LRIT2: variants seen among roughly 807,000 people sequenced by gnomAD.
LRIT2 encodes the protein leucine rich repeat, Ig-like and transmembrane domains 2.
In LRIT2, 23 loss-of-function variants were observed where a neutral mutation model predicts 22.4. That is an observed-to-expected ratio of 1.03 (90% CI 0.74 to 1.45). The LOEUF is 1.45. LRIT2 is among the 40% of genes most tolerant of loss of function. LRIT2 has a pLI of 0.00. For missense variants in LRIT2, 784 were observed against 665.6 expected, an observed-to-expected ratio of 1.18 and a Z score of -1.96; for synonymous variants, 291 against 267.1, an observed-to-expected ratio of 1.09 and a Z score of -0.87.
rs1257365502 is a variant in LRIT2 at position 84,222,076 on chromosome 10, G to A, written c.1497C>T (p.Gly499=). 1.9e-6 allele frequency: 3 copies of A among 1,610,212 alleles called. No homozygotes were observed. The highest frequency in any genetic ancestry group is 2.7e-5 in the African/African-American group (2 of 74,898). The change falls in exon 3 of 3, where the codon GGC becomes GGT. Residue 499 remains glycine, a synonymous_variant. Transcript: ENST00000372113. ...PCSCSKWVLR[G]CLHRRKAPSC... is the part of the protein sequence containing the mutation. ...TGGGGGCTTTCCTGCGATGAAGACA[G>A]CCGCGCAGGACCCACTTGCTGCAGC...
At chr10:84,223,522 TCATAA>T in intron 2 of LRIT2, among the ~76,000 whole-genome samples, 1 of 145,400 alleles carries the variant, frequency 6.9e-6, no homozygotes. Context: ...CAGAGTTTTG[TCATAA>T]TGTATAACAA....
In LRIT2 at chr10:84,224,653, G is replaced by A; in HGVS notation, c.572C>T (p.Ser191Phe). 1.9e-6 allele frequency: 3 copies of A among 1,614,180 alleles called. No individual in the cohort carries two copies. Among genetic ancestry groups the A allele is most frequent in the South Asian group, 1.1e-5 (1 of 91,078 alleles). Residue 191 changes from serine to phenylalanine, a missense_variant, in exon 2 of 3, where the codon TCC becomes TTC. By Grantham distance (155) the Ser-to-Phe change is radical. Coordinates refer to ENST00000372113, the MANE Select transcript of LRIT2 (RefSeq NM_001017924.5). ...GTCATGCAGGGCCACCACCAGGCTG[G>A]AGAGAATCTCAGCCCCACAGTCAGG... is the stretch of plus-strand genomic sequence containing the variant. Reference protein sequence around the residue: ...RQPDCGAEILSSLVVALHDNP... With the variant: ...RQPDCGAEILFSLVVALHDNP...
In LRIT2 at chr10:84,224,930, GGGCTCCTA is replaced by G. The variant is rs1275458324; in HGVS notation, c.287_294del (p.Leu96ProfsTer42). 6.2e-7 allele frequency: 1 copy of G among 1,614,170 alleles called. No homozygotes were observed. The highest frequency in any genetic ancestry group is 2.2e-5 in the East Asian group (1 of 44,872). ...TCCCTCAGTTCTGGCAGGTGTTCCA[GGGCTCCTA>G]GGTGGATCACACTGATATTGTTAAA... is the stretch of plus-strand genomic sequence containing the variant. On this transcript the variant is annotated frameshift_variant, in exon 2 of 3. Transcript: ENST00000372113. LOFTEE classifies it high-confidence loss of function.
At chr10:84,223,601 A>G (rs1056062750) in intron 2 of LRIT2, among the ~76,000 whole-genome samples, 9 of 152,140 alleles carry the variant, frequency 5.9e-5, no homozygotes, top group Non-Finnish European at 1.0e-4. Flanking sequence ...TCTTCTAGAC[A>G]GAGAACAGAA....
rs1005174230 is a variant in LRIT2, at chr10:84,222,670, A to T, written c.903T>A (p.Ser301=). Residue 301 remains serine, a synonymous_variant, in exon 3 of 3, where the codon TCT becomes TCA. Coordinates refer to ENST00000372113, the MANE Select transcript of LRIT2 (RefSeq NM_001017924.5). ...ACAGAGCAGTGTCTTCTCCAGTAGA[A>T]GATGTCAACACTGGGTGGAAAGAAA... ...SMWREFDVLT[S]STGEDTALSE... is the part of the protein sequence containing the mutation. 3 of 1,613,848 alleles carry T rather than the reference A, an allele frequency of 1.9e-6. No individual in the cohort carries two copies. The highest frequency in any genetic ancestry group is 2.5e-6 in the Non-Finnish European group (3 of 1,179,730).
At chr10:84,222,867 A>G in intron 2 of LRIT2, 187 bp from the exon 3 acceptor site, 1 of 720,726 alleles carries the variant, frequency 1.4e-6, no homozygotes, top group Non-Finnish European at 2.5e-6. Flanking sequence ...CCTGTAAGAT[A>G]AATAACTGAT....
At chr10:84,223,833 A>T (rs1378074918) in intron 2 of LRIT2, among the ~76,000 whole-genome samples, 2 of 152,212 alleles carry the variant, frequency 1.3e-5, no homozygotes, top group Non-Finnish European at 2.9e-5. Flanking sequence ...GGGTCCCAGT[A>T]TTACAAATTC....
chr10:84,222,500 A>C lies in LRIT2; in HGVS notation c.1073T>G (p.Ile358Ser). Residue 358 changes from isoleucine to serine, a missense_variant, in exon 3 of 3, where the codon ATC (isoleucine) becomes AGC (serine). Ile to Ser is a moderately radical substitution (Grantham distance 142). Coordinates refer to ENST00000372113, the MANE Select transcript of LRIT2 (RefSeq NM_001017924.5). ...QALHAPDSLS[I>S]PSEGNAYIDL... ...AATGTAGGCATTGCCCTCCGAGGGG[A>C]TGGAAAGAGAATCAGGTGCATGTAG... 6.2e-7 allele frequency: 1 copy of C among 1,613,862 alleles called. No individual in the cohort carries two copies. The highest frequency in any genetic ancestry group is 8.5e-7 in the Non-Finnish European group (1 of 1,179,948).
Position 84,222,345 on chromosome 10 carries a change from G to C in LRIT2, c.1228C>G (p.His410Asp), listed in dbSNP as rs1842517950. 1 of 1,614,056 alleles carries C rather than the reference G, an allele frequency of 6.2e-7. No homozygotes were observed. The highest frequency in any genetic ancestry group is 1.7e-5 in the Admixed American group (1 of 60,002). Residue 410 changes from histidine to aspartate, a missense_variant, in exon 3 of 3, where the codon CAC (histidine) becomes GAC (aspartate). His to Asp is a moderately conservative substitution (Grantham distance 81, BLOSUM62 -1). Transcript: ENST00000372113. ...TAAGTATTGATTCCGGGGCCAATGT[G>C]AACCACCTCCTTCCTGAAGGCTTCA... ...SDEAFRKEVV[H>D]IGPGINTYAV...
In LRIT2 at chr10:84,222,156, C is replaced by T. The variant is rs772847925; in HGVS notation, c.1417G>A (p.Val473Met). The change falls in exon 3 of 3, where the codon GTG becomes ATG. Residue 473 changes from valine (V) to methionine (M), a missense_variant. Transcript: ENST00000372113. The stretch of plus-strand genomic sequence containing the variant: ...GCGCCCACAGGCACTGCAAGCAGCA[C>T]CACACACAGGACCACTGTGACATGC... The part of the protein sequence containing the change: ...LLHVTVVLCV[V>M]LLAVPVGAYA... 5.6e-6 allele frequency: 9 copies of T among 1,613,578 alleles called. No homozygotes were observed. The Admixed American group carries it at 1.5e-4, about 27-fold the overall frequency.
At chr10:84,225,223 C>A in intron 1 of LRIT2, 109 bp from the exon 2 acceptor site, 3 of 1,254,574 alleles carry the variant, frequency 2.4e-6, no homozygotes, top group Non-Finnish European at 2.2e-6. Flanking sequence ...TATTATTATT[C>A]ATTGAAATAA....
Position 84,225,085 on chromosome 10 carries a change from C to T in LRIT2, c.140G>A (p.Gly47Glu), listed in dbSNP as rs1342597916. The T allele has an allele frequency of 6.2e-7, 1 of 1,613,542 alleles. No homozygotes were observed. Among genetic ancestry groups the T allele is most frequent in the South Asian group, 1.1e-5 (1 of 90,976 alleles). The part of the protein sequence containing the change: ...RTLQCTSVSL[G>E]KIPGNLSEEF... Reference sequence around the variant, plus strand: ...TTCAGAAAGGTTCCCAGGGATCTTTCCCAAGGAGACAGATGTGCACTGCAG... The same window carrying T: ...TTCAGAAAGGTTCCCAGGGATCTTTTCCAAGGAGACAGATGTGCACTGCAG... Residue 47 changes from glycine to glutamate, a missense_variant, in exon 2 of 3, where the codon GGA (glycine) becomes GAA (glutamate). Gly to Glu is a moderately conservative substitution (Grantham distance 98, BLOSUM62 -2). Transcript: ENST00000372113.
At position 84,222,021 on chromosome 10, in the gene LRIT2, C is replaced by T. The variant is rs553741973; in HGVS notation, c.1552G>A (p.Asp518Asn). Residue 518 changes from aspartate (D) to asparagine (N), a missense_variant, in exon 3 of 3, where the codon GAT (aspartate) becomes AAT (asparagine). Asp to Asn is a conservative substitution (Grantham distance 23). Transcript: ENST00000372113. ...SCTPAAPQSK[D>N]GSFREHPAVC... ...GCTGGATGTTCTCTAAAGGAGCCAT[C>T]CTTGGACTGCGGGGCTGCAGGGGTG... 125 of 1,609,836 alleles carry T rather than the reference C, an allele frequency of 7.8e-5. 1 individual carries two copies. The South Asian group carries it at 1.2e-3, about 16-fold the overall frequency.
In LRIT2 at chr10:84,220,828, G is replaced by T. The variant is rs1032662007; in HGVS notation, c.*1092C>A. On this transcript the variant is annotated 3_prime_UTR_variant, in exon 3 of 3. Coordinates refer to ENST00000372113, the MANE Select transcript of LRIT2 (RefSeq NM_001017924.5). ...AGGATGATTAGGAATGGGTAAAAAA[G>T]GTGGGAAGGAGGAAACGTGTGGAGA... is the stretch of plus-strand genomic sequence containing the variant. The T allele has an allele frequency of 1.3e-5, 2 of 152,244 alleles. No homozygotes were observed. The highest frequency in any genetic ancestry group is 2.4e-5 in the African/African-American group (1 of 41,438). The allele number at this position is 152,244 out of a possible 1,614,324, so 9.4% of individuals were successfully genotyped here. A position where few individuals can be genotyped will look rare whatever the true frequency, so the allele number is the denominator to read the frequency against.
Position 84,225,426 on chromosome 10 carries a change from T to A in LRIT2, c.95A>T (p.Glu32Val), listed in dbSNP as rs776582484. ...CAGAGCGCACCTGCCAAAACTCTCC[T>A]CTGAGCAAGTGCATCCTGGCAGACA... ...PFCLPGCTCS[E>V]ESFGRTLQCT... The change falls in exon 1 of 3, where the codon GAG becomes GTG. Residue 32 changes from glutamate (E) to valine (V), a missense_variant. Coordinates refer to ENST00000372113, the MANE Select transcript of LRIT2 (RefSeq NM_001017924.5). 6.2e-7 allele frequency: 1 copy of A among 1,614,112 alleles called. No individual in the cohort carries two copies. The highest frequency in any genetic ancestry group is 1.1e-5 in the South Asian group (1 of 91,068).
At position 84,221,979 on chromosome 10, in the gene LRIT2, C is replaced by T. The variant is rs771351258; in HGVS notation, c.1594G>A (p.Glu532Lys). 6.3e-7 allele frequency: 1 copy of T among 1,576,466 alleles called. No homozygotes were observed. The highest frequency in any genetic ancestry group is 1.4e-5 in the African/African-American group (1 of 74,040). ...TCCCCCTCAGTGTCTATGTGCCCTTCACCGTCATCACAGACAGCTGGATGT... is the reference window on the plus strand; with the variant it reads ...TCCCCCTCAGTGTCTATGTGCCCTTTACCGTCATCACAGACAGCTGGATGT... ...REHPAVCDDG[E>K]GHIDTEGDKE... The change falls in exon 3 of 3, where the codon GAA (glutamate) becomes AAA (lysine). Residue 532 changes from glutamate to lysine, a missense_variant. Glu to Lys is a moderately conservative substitution (Grantham distance 56). Transcript: ENST00000372113.
chr10:84,222,830 G>GACACCAGGTAC, intron 2 of LRIT2, 150 bp from the exon 3 acceptor site: 2 of 850,950 alleles, frequency 2.4e-6, no homozygotes, highest in Non-Finnish European at 3.9e-6. Context: ...CCTCGTACCT[G>GACACCAGGTAC]GTGTCAGGTG....
At chr10:84,225,373 T>C (rs1257316571) in intron 1 of LRIT2, 38 bp downstream of exon 1, 1 of 1,591,826 alleles carries the variant, frequency 6.3e-7, no homozygotes, top group East Asian at 2.2e-5. Context: ...GAAAACCCAT[T>C]CCCCATAACC....
In LRIT2 at chr10:84,224,443, T is replaced by C. The variant is rs1842541283; in HGVS notation, c.782A>G (p.Asn261Ser). Residue 261 changes from asparagine to serine, a missense_variant, in exon 2 of 3, where the codon AAT (asparagine) becomes AGT (serine). By Grantham distance (46) the Asn-to-Ser change is conservative. Transcript: ENST00000372113. ...ATTCTGTCCTGCCCGGATGGTGATATTGGCACTGGGGGTTGAGATCTGTGG... is the reference window on the plus strand; with the variant it reads ...ATTCTGTCCTGCCCGGATGGTGATACTGGCACTGGGGGTTGAGATCTGTGG... ...MKPQISTPSA[N>S]ITIRAGQNVT... The C allele has an allele frequency of 1.2e-6, 2 of 1,614,234 alleles. No homozygotes were observed. The highest frequency in any genetic ancestry group is 1.6e-4 in the Middle Eastern group (1 of 6,062).
Sources: allele counts gnomAD v4.1 joint callset (sites outside exome capture counted in the v4.1 genomes callset), GRCh38; gene constraint gnomAD v4.1.1; transcripts MANE v1.5; gene names NCBI Gene and HGNC (gene_info 2026-07-23, HGNC 2026-07-21).